RASGEF1A: variants seen among roughly 807,000 people sequenced by gnomAD.
RASGEF1A encodes the protein ras-GEF domain-containing family member 1A.
In RASGEF1A, 18 loss-of-function variants were observed where a neutral mutation model predicts 56.4. That is an observed-to-expected ratio of 0.32 (90% CI 0.22 to 0.47). The LOEUF (loss-of-function observed/expected upper bound fraction) is 0.47, where lower values mean the gene tolerates loss of function less well. RASGEF1A is among the 20% of genes least tolerant of loss of function. The pLI, the probability that RASGEF1A is intolerant of heterozygous loss-of-function variation, is 1.00. For missense variants in RASGEF1A, 422 were observed against 627.1 expected, an observed-to-expected ratio of 0.67 and a Z score of 3.49; for synonymous variants, 245 against 242.6, an observed-to-expected ratio of 1.01 and a Z score of -0.09.
chr10:43,245,187 T>C (rs990602887), intron 1 of RASGEF1A, among the ~76,000 whole-genome samples: 23 of 152,050 alleles, frequency 1.5e-4, no homozygotes, highest in African/African-American at 4.8e-4. Flanking sequence ...GCCAAGAAAT[T>C]AGATAAACTA....
At position 43,206,110 on chromosome 10, in the gene RASGEF1A, G is replaced by A. The variant is rs1168260538; in HGVS notation, c.7C>T (p.Gln3Ter). The A allele has an allele frequency of 1.3e-6, 2 of 1,581,000 alleles. No homozygotes were observed. The highest frequency in any genetic ancestry group is 1.7e-6 in the Non-Finnish European group (2 of 1,163,818). ...ATGCTGGAGAAGACAACGGACGTCT[G>A]GGGCATAGTTTCCTGGGAGAAAAGA... The part of the protein sequence containing the change: MP[Q>*]TSVVFSSILG... Residue 3 changes from glutamine to a stop codon, truncating the protein, a stop_gained, in exon 2 of 13, where the codon CAG (glutamine) becomes TAG (stop). Transcript: ENST00000395810. LOFTEE classifies it high-confidence loss of function.
At chr10:43,215,566 C>T (rs984576895) in intron 1 of RASGEF1A, among the ~76,000 whole-genome samples, 2 of 152,182 alleles carry the variant, frequency 1.3e-5, no homozygotes, top group African/African-American at 4.8e-5. Flanking sequence ...ATGGGCTCTT[C>T]GCCCTTCAAG....
chr10:43,244,717 A>C (rs747254207), intron 1 of RASGEF1A, among the ~76,000 whole-genome samples: 1 of 152,222 alleles, frequency 6.6e-6, no homozygotes, highest in African/African-American at 2.4e-5. Context: ...AGAAGAAACC[A>C]CAAGGGAATT....
chr10:43,207,230 G>A (rs982531829), intron 1 of RASGEF1A: 4 of 985,556 alleles, frequency 4.1e-6, no homozygotes, highest in Non-Finnish European at 4.8e-6. Flanking sequence ...CTGAGGTCAG[G>A]TGGAGAAGCG....
intron 1 of RASGEF1A, chr10:43,207,644 C>A: frequency 1.0e-6 from 1 of 985,538 alleles, no homozygotes; most frequent in Non-Finnish European, 1.2e-6. Flanking sequence ...CACTCCAGGA[C>A]AGGGAGGTCA....
intron 1 of RASGEF1A, among the ~76,000 whole-genome samples, chr10:43,259,021 C>A (rs1836478672): frequency 6.6e-6 from 1 of 152,216 alleles, no homozygotes; most frequent in Non-Finnish European, 1.5e-5. Context: ...CATCTCTGGC[C>A]CATGCAGCCT....
At chr10:43,201,433 G>T (rs1226964270) in intron 4 of RASGEF1A, among the ~76,000 whole-genome samples, 1 of 152,300 alleles carries the variant, frequency 6.6e-6, no homozygotes, top group Middle Eastern at 3.4e-3. Context: ...TTGAAAAATG[G>T]GAGACCGGTT....
chr10:43,220,179 G>A (rs1840189016), intron 1 of RASGEF1A, among the ~76,000 whole-genome samples: 1 of 152,234 alleles, frequency 6.6e-6, no homozygotes, highest in Admixed American at 6.5e-5. Context: ...ACAGGAATGT[G>A]TAATAATGTG....
intron 1 of RASGEF1A, among the ~76,000 whole-genome samples, chr10:43,243,392 G>A (rs1425295189): frequency 2.7e-5 from 4 of 150,614 alleles, no homozygotes; most frequent in Non-Finnish European, 3.0e-5. Flanking sequence ...GAGGTGAGGG[G>A]AGTCTCTGCC....
chr10:43,196,289 C>A lies in RASGEF1A; in HGVS notation c.1422-21G>T, dbSNP rs761625278. On this transcript the variant is annotated intron_variant, in intron 12 of 12. Transcript: ENST00000395810. The surrounding 1 kb of genome is among the most constrained non-coding windows in gnomAD (Gnocchi z 4.6). The stretch of plus-strand genomic sequence containing the variant: ...TGGTCCTAGAGGGGGACAGGACAAG[C>A]AGTGCTCAGGCCCGAGCAGGGCGGC... 6 of 1,613,318 alleles carry A rather than the reference C, an allele frequency of 3.7e-6. No homozygotes were observed. The Admixed American group carries it at 1.0e-4, about 27-fold the overall frequency.
chr10:43,207,611 GC>G, intron 1 of RASGEF1A: 1 of 985,564 alleles, frequency 1.0e-6, no homozygotes, highest in Non-Finnish European at 1.2e-6. Context: ...GAATGTCCAG[GC>G]CCCCAGGCTC....
At chr10:43,200,501 G>A (rs867742301) in intron 5 of RASGEF1A, among the ~76,000 whole-genome samples, 166 bp downstream of exon 5, 7 of 152,350 alleles carry the variant, frequency 4.6e-5, no homozygotes, top group Middle Eastern at 6.8e-3. Flanking sequence ...AGAGGTGCCC[G>A]CCACTCAGAC....
Position 43,196,923 on chromosome 10 carries a change from G to A in RASGEF1A, c.1348+53C>T, listed in dbSNP as rs1318290506. The A allele has an allele frequency of 1.2e-6, 2 of 1,601,354 alleles. No homozygotes were observed. The highest frequency in any genetic ancestry group is 1.3e-5 in the African/African-American group (1 of 74,808). ...GCAACCCCAAAGAGCACCGGGCCTG[G>A]ACAAGGAGTCAGGTGGGGTGGGAGG... On this transcript the variant is annotated intron_variant, in intron 11 of 12. Coordinates refer to ENST00000395810, the MANE Select transcript of RASGEF1A (RefSeq NM_145313.4). The surrounding 1 kb of genome is among the most constrained non-coding windows in gnomAD (Gnocchi z 4.6).
At chr10:43,202,020 C>G (rs1302886397) in intron 3 of RASGEF1A, 75 bp from the exon 4 acceptor site, 1 of 1,436,846 alleles carries the variant, frequency 7.0e-7, no homozygotes, top group Non-Finnish European at 9.3e-7. Flanking sequence ...GTGCAAGCTT[C>G]CCACATCCCC....
At chr10:43,216,928 C>T (rs1023536544) in intron 1 of RASGEF1A, among the ~76,000 whole-genome samples, 2 of 152,140 alleles carry the variant, frequency 1.3e-5, no homozygotes, top group Admixed American at 6.5e-5. Context: ...GAGGCAGCTG[C>T]GCCTCCTTTG....
At position 43,196,661 on chromosome 10, in the gene RASGEF1A, G is replaced by A. The variant is rs1412809509; in HGVS notation, c.1349-113C>T. ...CAAGGGGACAGTGACCTCTGGCTGGGCTGAACACAGTTCTCTGCTGTGCGG... is the reference window on the plus strand; with the variant it reads ...CAAGGGGACAGTGACCTCTGGCTGGACTGAACACAGTTCTCTGCTGTGCGG... On this transcript the variant is annotated intron_variant, in intron 11 of 12. Coordinates refer to ENST00000395810, the MANE Select transcript of RASGEF1A (RefSeq NM_145313.4). This position sits in a 1 kb window ranked among gnomAD's most constrained non-coding sequence, Gnocchi z 4.6. 1 of 1,021,266 alleles carries A rather than the reference G, an allele frequency of 9.8e-7. No individual in the cohort carries two copies. Among genetic ancestry groups the A allele is most frequent in the African/African-American group, 1.6e-5 (1 of 63,612 alleles). The allele number at this position is 1,021,266 out of a possible 1,614,324, so 63.3% of individuals were successfully genotyped here.
chr10:43,208,593 G>C, intron 1 of RASGEF1A: 1 of 985,696 alleles, frequency 1.0e-6, no homozygotes, highest in Non-Finnish European at 1.2e-6. Context: ...GCCTGAGGGG[G>C]ACCGTGTGGA....
At chr10:43,261,774 G>T (rs916566510) in intron 1 of RASGEF1A, among the ~76,000 whole-genome samples, 1 of 152,162 alleles carries the variant, frequency 6.6e-6, no homozygotes, top group Non-Finnish European at 1.5e-5. Flanking sequence ...AGCCTGGCTC[G>T]GGGCTGCACA....
rs567652331 is a variant in RASGEF1A, at chr10:43,258,692, C to T, written c.-7+8153G>A. Among the ~76,000 whole-genome samples, 16 of 152,368 alleles carry T rather than the reference C, an allele frequency of 1.1e-4. No homozygotes were observed. The East Asian group carries it at 2.9e-3, about 28-fold the overall frequency. On this transcript the variant is annotated intron_variant, in intron 1 of 12. Transcript: ENST00000395810. Reference sequence around the variant, plus strand: ...TGGATGGATGCCCCACAGGCCAGCCCCTAGGAGCAGGACTGCCTCTGTCTC... The same window carrying T: ...TGGATGGATGCCCCACAGGCCAGCCTCTAGGAGCAGGACTGCCTCTGTCTC...
Sources: gnomAD v4.1 joint callset for allele counts (sites outside exome capture counted in the v4.1 genomes callset) on GRCh38, gnomAD v4.1.1 for gene constraint, Gnocchi (gnomAD v3.1) non-coding constraint, MANE v1.5 for transcripts, NCBI Gene and HGNC (gene_info 2026-07-23, HGNC 2026-07-21) for gene names.